Variants in TOP6BL observed in about 807,000 individuals in gnomAD.
The protein encoded by TOP6BL is type 2 DNA topoisomerase 6 subunit B-like.
chr11:66,773,924 A>ATGGGGTTT, the TOP6BL span, among the ~76,000 whole-genome samples: 1 of 151,624 alleles, frequency 6.6e-6, no homozygotes, highest in Non-Finnish European at 1.5e-5. Context: ...TTTAGTAGAG[A>ATGGGGTTT]CACCATGTTG....
At chr11:66,804,685 C>G in the TOP6BL span, among the ~76,000 whole-genome samples, 1 of 152,150 alleles carries the variant, frequency 6.6e-6, no homozygotes, top group Non-Finnish European at 1.5e-5. Flanking sequence ...CACCTGTAAT[C>G]CCAGCACTTT....
the TOP6BL span, among the ~76,000 whole-genome samples, chr11:66,813,207 A>AG: frequency 6.6e-6 from 1 of 152,188 alleles, no homozygotes; most frequent in Non-Finnish European, 1.5e-5. Context: ...GATAAACTTG[A>AG]GGACAGGTAT....
At chr11:66,833,954 A>C in the TOP6BL span, among the ~76,000 whole-genome samples, 1 of 152,052 alleles carries the variant, frequency 6.6e-6, no homozygotes, top group African/African-American at 2.4e-5. Context: ...TCTCAAAAAA[A>C]AAAAAAGATC....
the TOP6BL span, among the ~76,000 whole-genome samples, chr11:66,832,262 T>A: frequency 1.3e-5 from 2 of 151,810 alleles, no homozygotes; most frequent in Non-Finnish European, 2.9e-5. Context: ...CATGCCCGAC[T>A]AATTGTTTTT....
chr11:66,768,036 C>T, the TOP6BL span, among the ~76,000 whole-genome samples: 1 of 152,310 alleles, frequency 6.6e-6, no homozygotes, highest in East Asian at 1.9e-4. Context: ...AAGCGATCCT[C>T]CCACCTTGGC....
the TOP6BL span, among the ~76,000 whole-genome samples, chr11:66,774,061 A>C: frequency 6.6e-6 from 1 of 152,148 alleles, no homozygotes; most frequent in South Asian, 2.1e-4. Flanking sequence ...TAAAGTTTTA[A>C]ATTTATATTT....
the TOP6BL span, among the ~76,000 whole-genome samples, chr11:66,841,773 G>C: frequency 6.6e-6 from 1 of 152,186 alleles, no homozygotes; most frequent in African/African-American, 2.4e-5. Flanking sequence ...CTGCACTCCA[G>C]CCTAGGTGAC....
At chr11:66,749,608 C>T in the TOP6BL span, among the ~76,000 whole-genome samples, 1 of 152,068 alleles carries the variant, frequency 6.6e-6, no homozygotes, top group African/African-American at 2.4e-5. Flanking sequence ...CTCACTCTGT[C>T]GCCCAGGCTG....
chr11:66,767,188 A>C, the TOP6BL span, among the ~76,000 whole-genome samples: 1 of 152,218 alleles, frequency 6.6e-6, no homozygotes, highest in African/African-American at 2.4e-5. Context: ...ATTAAGATAG[A>C]TAAGTTCTTA....
chr11:66,768,668 GTTTTT>G, the TOP6BL span, among the ~76,000 whole-genome samples: 2 of 115,468 alleles, frequency 1.7e-5, no homozygotes, highest in Admixed American at 1.7e-4. Flanking sequence ...TTTGTTTTTT[GTTTTT>G]TTTTTTTTTT....
the TOP6BL span, chr11:66,796,003 A>T: frequency 3.4e-6 from 1 of 296,904 alleles, no homozygotes; most frequent in Admixed American, 4.6e-5. Context: ...AATTACTTTT[A>T]AATTTGTCCC....
the TOP6BL span, among the ~76,000 whole-genome samples, chr11:66,795,022 T>C: frequency 6.6e-6 from 1 of 151,758 alleles, no homozygotes; most frequent in Non-Finnish European, 1.5e-5. Context: ...TAGTCCCAGC[T>C]ACTCAGGAGG....
chr11:66,766,604 C>G, the TOP6BL span, among the ~76,000 whole-genome samples: 1 of 152,162 alleles, frequency 6.6e-6, no homozygotes, highest in African/African-American at 2.4e-5. Flanking sequence ...TCTCTCATAA[C>G]CCAGAGGATA....
the TOP6BL span, among the ~76,000 whole-genome samples, chr11:66,746,138 T>C: frequency 6.6e-6 from 1 of 152,048 alleles, no homozygotes. Context: ...AGAGGACGTG[T>C]GAAGGAATAG....
At chr11:66,750,716 C>G in the TOP6BL span, among the ~76,000 whole-genome samples, 1 of 150,260 alleles carries the variant, frequency 6.7e-6, no homozygotes, top group Non-Finnish European at 1.5e-5. Context: ...TTTTTTTTCC[C>G]CCAAATATGG....
the TOP6BL span, chr11:66,838,225 T>G: frequency 1.5e-6 from 1 of 653,762 alleles, no homozygotes; most frequent in Non-Finnish European, 2.7e-6. Flanking sequence ...GGTAGGGGGA[T>G]TCATGAGCCA....
At chr11:66,775,621 C>T in the TOP6BL span, among the ~76,000 whole-genome samples, 2 of 152,110 alleles carry the variant, frequency 1.3e-5, no homozygotes, top group Non-Finnish European at 2.9e-5. Context: ...AGGGGGTACT[C>T]CTTTAGCCCA....
At chr11:66,843,152 C>T in the TOP6BL span, 5 of 1,610,516 alleles carry the variant, frequency 3.1e-6, no homozygotes, top group East Asian at 4.5e-5. Context: ...TCACCCCGGG[C>T]CCCCTTGTTC....
At chr11:66,826,623 AC>A in the TOP6BL span, among the ~76,000 whole-genome samples, 1 of 151,948 alleles carries the variant, frequency 6.6e-6, no homozygotes, top group Non-Finnish European at 1.5e-5. Flanking sequence ...TAAAGCCCTA[AC>A]TTTTGTACTA....
Sources: gnomAD v4.1 joint callset for allele counts (sites outside exome capture counted in the v4.1 genomes callset) on GRCh38, gnomAD v4.1.1 for gene constraint, MANE v1.5 for transcripts, NCBI Gene and HGNC (gene_info 2026-07-23, HGNC 2026-07-21) for gene names.